The following GALNT13 variants were observed in gnomAD, a reference collection of about 807,000 sequenced individuals.
The protein encoded by GALNT13 is UDP-GalNAc:polypeptide N-acetylgalactosaminyltransferase 13.
GALNT13 carries 28 observed loss-of-function variants against 64.2 expected under a neutral mutation model. That is an observed-to-expected ratio of 0.44 (90% CI 0.32 to 0.60). GALNT13 has a LOEUF of 0.60. Ranked by LOEUF, GALNT13 falls within the 20% of genes least tolerant of loss-of-function variation. GALNT13 has a pLI of 0.05. For missense variants in GALNT13, 577 were observed against 669.8 expected (o/e 0.86, Z 1.53); for synonymous variants, 214 against 224.6 (o/e 0.95, Z 0.42).
the GALNT13 span, among the ~76,000 whole-genome samples, chr2:153,302,964 G>A: frequency 6.6e-6 from 1 of 152,106 alleles, no homozygotes; most frequent in African/African-American, 2.4e-5. Context: ...AGTATATTTT[G>A]AAGTCAGGTA....
intron 8 of GALNT13, among the ~76,000 whole-genome samples, chr2:154,290,420 C>T (rs932455782): frequency 2.0e-5 from 3 of 152,192 alleles, no homozygotes; most frequent in African/African-American, 4.8e-5. Flanking sequence ...ATCTCTCTTG[C>T]CGGGGTAGAC....
At chr2:153,186,474 G>C in the GALNT13 span, among the ~76,000 whole-genome samples, 1 of 151,948 alleles carries the variant, frequency 6.6e-6, no homozygotes, top group Admixed American at 6.6e-5. Context: ...GTATGGTTAT[G>C]TGTGAATTTG....
chr2:153,455,642 G>A, the GALNT13 span, among the ~76,000 whole-genome samples: 3 of 152,122 alleles, frequency 2.0e-5, no homozygotes, highest in Non-Finnish European at 4.4e-5. Context: ...GGGTACCCAC[G>A]ACTCCTGAAG....
At chr2:153,673,520 A>G in the GALNT13 span, among the ~76,000 whole-genome samples, 1 of 152,228 alleles carries the variant, frequency 6.6e-6, no homozygotes, top group Non-Finnish European at 1.5e-5. Context: ...CTTTCATACT[A>G]AAAACTCTTA....
At chr2:154,445,864 G>A (rs1487875212) in intron 12 of GALNT13, 1 of 1,278,426 alleles carries the variant, frequency 7.8e-7, no homozygotes, top group Non-Finnish European at 1.0e-6. Flanking sequence ...CATAGTCTGT[G>A]GCTTTCCTGG....
chr2:154,008,373 T>C (rs1434933022), intron 3 of GALNT13, among the ~76,000 whole-genome samples: 2 of 152,342 alleles, frequency 1.3e-5, no homozygotes, highest in South Asian at 2.1e-4. Flanking sequence ...GACCTTCGTA[T>C]ATTACCACTT....
chr2:153,272,061 C>T, the GALNT13 span, among the ~76,000 whole-genome samples: 1 of 152,056 alleles, frequency 6.6e-6, no homozygotes, highest in Non-Finnish European at 1.5e-5. Context: ...ACTGGCTAGC[C>T]ATATGCAGAA....
intron 2 of GALNT13, among the ~76,000 whole-genome samples, chr2:153,906,223 T>G (rs1448275514): frequency 6.6e-6 from 1 of 151,402 alleles, no homozygotes; most frequent in Non-Finnish European, 1.5e-5. Context: ...TCAAGCTAAT[T>G]TTTCTTTTTT....
At chr2:153,937,827 GTATT>G (rs1266589342) in intron 2 of GALNT13, among the ~76,000 whole-genome samples, 1 of 152,182 alleles carries the variant, frequency 6.6e-6, no homozygotes, top group Non-Finnish European at 1.5e-5. Flanking sequence ...ATGCTGCTGA[GTATT>G]TATGTAAGAT....
chr2:153,657,225 G>A, the GALNT13 span, among the ~76,000 whole-genome samples: 6 of 152,068 alleles, frequency 3.9e-5, no homozygotes, highest in Non-Finnish European at 7.4e-5. Context: ...TAGGAAATCC[G>A]AGGTAAGGAA....
the GALNT13 span, among the ~76,000 whole-genome samples, chr2:153,439,025 T>A: frequency 6.6e-6 from 1 of 152,180 alleles, no homozygotes; most frequent in African/African-American, 2.4e-5. Flanking sequence ...TGTTTGTTAG[T>A]TTTCCTTCTA....
intron 3 of GALNT13, among the ~76,000 whole-genome samples, chr2:154,018,629 T>G (rs1697197227): frequency 1.4e-5 from 2 of 145,474 alleles, no homozygotes; most frequent in African/African-American, 5.1e-5. Flanking sequence ...ATGAAGAGGG[T>G]GAGGGGCTGA....
chr2:154,177,774 T>A (rs1426814147), intron 4 of GALNT13, among the ~76,000 whole-genome samples: 3 of 152,134 alleles, frequency 2.0e-5, no homozygotes, highest in Non-Finnish European at 4.4e-5. Context: ...TGTGTCTACA[T>A]ACATACATAT....
chr2:153,242,829 A>T, the GALNT13 span, among the ~76,000 whole-genome samples: 1 of 152,248 alleles, frequency 6.6e-6, no homozygotes, highest in Non-Finnish European at 1.5e-5. Flanking sequence ...CAGAGGGGGC[A>T]CCACAGACCC....
the GALNT13 span, among the ~76,000 whole-genome samples, chr2:153,188,052 CT>C: frequency 6.6e-6 from 1 of 151,628 alleles, no homozygotes; most frequent in Non-Finnish European, 1.5e-5. Context: ...TAAAATAAAA[CT>C]TTTTTAATCT....
intron 11 of GALNT13, among the ~76,000 whole-genome samples, chr2:154,418,037 A>T (rs1700099451): frequency 6.6e-6 from 1 of 152,196 alleles, no homozygotes; most frequent in African/African-American, 2.4e-5. Context: ...CCTATCTGCA[A>T]AAATAAATTG....
chr2:154,437,804 C>T (rs1701063150), intron 11 of GALNT13: 2 of 338,528 alleles, frequency 5.9e-6, no homozygotes, highest in African/African-American at 2.2e-5. Context: ...GCAGTAAGCC[C>T]AGATTACGCC....
the GALNT13 span, among the ~76,000 whole-genome samples, chr2:153,677,650 T>A: frequency 7.2e-4 from 110 of 152,234 alleles, 3 homozygotes; most frequent in Middle Eastern, 6.8e-3. Flanking sequence ...GTTATTCAAC[T>A]TCAAACTATA....
the GALNT13 span, among the ~76,000 whole-genome samples, chr2:153,519,426 AG>A: frequency 6.6e-6 from 1 of 152,170 alleles, no homozygotes; most frequent in African/African-American, 2.4e-5. Flanking sequence ...GGATAGTACA[AG>A]TATTCTTAGA....
Sources: allele counts gnomAD v4.1 joint callset (sites outside exome capture counted in the v4.1 genomes callset), GRCh38; gene constraint gnomAD v4.1.1; transcripts MANE v1.5; gene names NCBI Gene and HGNC (gene_info 2026-07-23, HGNC 2026-07-21).